Variants in EPB41L2 observed in about 807,000 individuals in gnomAD.
EPB41L2 encodes the protein band 4.1-like protein 2.
EPB41L2 carries 43 observed loss-of-function variants against 113.0 expected under a neutral mutation model. That is an observed-to-expected ratio of 0.38 (90% CI 0.30 to 0.49). The LOEUF is 0.49. Among genes scored for constraint, EPB41L2 ranks in the 20% least tolerant of loss-of-function variants. The probability of loss-of-function intolerance (pLI) is 0.95; values close to 1 mark genes in which losing one functional copy is unlikely to be tolerated. For synonymous variants in EPB41L2, 442 were observed against 436.7 expected (o/e 1.01, Z -0.15); for missense variants, 1,147 against 1,223.4 (o/e 0.94, Z 0.93).
chr6:131,058,174 A>G (rs572254416), intron 1 of EPB41L2, among the ~76,000 whole-genome samples: 2 of 149,964 alleles, frequency 1.3e-5, no homozygotes, highest in African/African-American at 4.9e-5. Flanking sequence ...ATAACTGAGA[A>G]TATGAAATTA....
intron 3 of EPB41L2, among the ~76,000 whole-genome samples, chr6:130,949,882 T>G (rs1208955677): frequency 1.3e-5 from 2 of 152,148 alleles, no homozygotes; most frequent in Non-Finnish European, 2.9e-5. Context: ...AGTAAATATA[T>G]TTTCTCTCCT....
chr6:130,935,173 C>G (rs919881513), intron 3 of EPB41L2, among the ~76,000 whole-genome samples: 2 of 152,162 alleles, frequency 1.3e-5, no homozygotes, highest in African/African-American at 2.4e-5. Context: ...CTTAGAAAAA[C>G]ACACACTAGA....
chr6:130,911,069 T>C (rs954956149), intron 4 of EPB41L2, among the ~76,000 whole-genome samples: 5 of 152,184 alleles, frequency 3.3e-5, no homozygotes, highest in African/African-American at 1.2e-4. Context: ...TAAGGACACA[T>C]GCACACGTAT....
intron 1 of EPB41L2, among the ~76,000 whole-genome samples, chr6:131,021,663 G>GA (rs935447143): frequency 2.3e-4 from 34 of 145,352 alleles, no homozygotes; most frequent in East Asian, 6.0e-4. Flanking sequence ...TTCCGTCTGG[G>GA]AAAAAAAAAA....
At chr6:130,904,849 C>T (rs1797258100) in intron 5 of EPB41L2, among the ~76,000 whole-genome samples, 1 of 151,522 alleles carries the variant, frequency 6.6e-6, no homozygotes, top group Non-Finnish European at 1.5e-5. Context: ...ATATAACCTC[C>T]ATGTAATAGT....
chr6:130,854,882 A>G (rs756247801), intron 19 of EPB41L2, among the ~76,000 whole-genome samples: 1 of 152,110 alleles, frequency 6.6e-6, no homozygotes, highest in Non-Finnish European at 1.5e-5. Flanking sequence ...CCTATTTAAA[A>G]CCATTAGGAG....
intron 19 of EPB41L2, among the ~76,000 whole-genome samples, chr6:130,855,399 T>C (rs1380183640): frequency 1.3e-5 from 2 of 152,086 alleles, no homozygotes; most frequent in African/African-American, 4.8e-5. Flanking sequence ...ATCTCAAAGA[T>C]AAAAAGATCA....
In EPB41L2 at chr6:130,895,039, A is replaced by G. The variant is rs1794191287; in HGVS notation, c.1317T>C (p.Arg439=). 1.2e-6 allele frequency: 2 copies of G among 1,613,884 alleles called. No homozygotes were observed. The highest frequency in any genetic ancestry group is 1.6e-4 in the Middle Eastern group (1 of 6,080). The change falls in exon 9 of 20, where the codon CGT becomes CGC. Residue 439 remains arginine (R), a synonymous_variant. Transcript: ENST00000337057. ...LIYKDRLRIN[R]FAWPKILKIS... ...TTTTTAAGATTTTCGGCCAAGCAAAACGATTGATTCGCAGTCTGTCTTTGT... is the reference window on the plus strand; with the variant it reads ...TTTTTAAGATTTTCGGCCAAGCAAAGCGATTGATTCGCAGTCTGTCTTTGT...
chr6:131,016,612 G>C lies in EPB41L2; in HGVS notation c.-15+46543C>G, dbSNP rs541175707. On this transcript the variant is annotated intron_variant, in intron 1 of 19. Coordinates refer to ENST00000337057, the MANE Select transcript of EPB41L2 (RefSeq NM_001431.4). Reference sequence around the variant, plus strand: ...CCAACATAATAACAGAGAGAAACAAGGGGGTCAGAAAATCTGTGTTTTTCA... The same window carrying C: ...CCAACATAATAACAGAGAGAAACAACGGGGTCAGAAAATCTGTGTTTTTCA... 2.6e-5 allele frequency among the ~76,000 whole-genome samples: 4 copies of C among 151,896 alleles called. No homozygotes were observed. The South Asian group carries it at 6.2e-4, about 24-fold the overall frequency.
chr6:130,846,760 C>T (rs1050404336), intron 19 of EPB41L2, among the ~76,000 whole-genome samples: 2 of 152,154 alleles, frequency 1.3e-5, no homozygotes, highest in East Asian at 1.9e-4. Context: ...CTGTATTACT[C>T]TCAAAGGCCT....
chr6:131,056,961 C>T lies in EPB41L2; in HGVS notation c.-15+6194G>A, dbSNP rs570078864. Among the ~76,000 whole-genome samples the T allele has an allele frequency of 9.4e-4, 143 of 151,822 alleles. 1 individual carries two copies. Among genetic ancestry groups the T allele is most frequent in the Non-Finnish European group, 1.9e-3 (129 of 67,994 alleles). On this transcript the variant is annotated intron_variant, in intron 1 of 19. Transcript: ENST00000337057. ...ATATCAGAATTCAGTTTAACCTTGA[C>T]AGTTAGGTAAATGGGGGTCAACTAA...
intron 4 of EPB41L2, among the ~76,000 whole-genome samples, chr6:130,921,016 C>T (rs1159076905): frequency 2.0e-5 from 3 of 152,158 alleles, no homozygotes; most frequent in Non-Finnish European, 4.4e-5. Flanking sequence ...ACCCTGAAAC[C>T]TAGGACTTTT....
intron 1 of EPB41L2, among the ~76,000 whole-genome samples, chr6:131,004,710 G>C (rs1408254021): frequency 6.6e-6 from 1 of 152,068 alleles, no homozygotes; most frequent in Non-Finnish European, 1.5e-5. Flanking sequence ...AAAGGAGATG[G>C]GGTGTGAACT....
At chr6:130,887,250 T>C (rs1426227699) in intron 11 of EPB41L2, among the ~76,000 whole-genome samples, 1 of 152,162 alleles carries the variant, frequency 6.6e-6, no homozygotes, top group Non-Finnish European at 1.5e-5. Context: ...GTCTTAAACA[T>C]CTGAGAAGCT....
intron 1 of EPB41L2, among the ~76,000 whole-genome samples, chr6:131,055,717 T>C (rs1025092521): frequency 6.6e-6 from 1 of 152,220 alleles, no homozygotes; most frequent in Non-Finnish European, 1.5e-5. Context: ...TAAGCCTCAG[T>C]TTCTCATCCG....
chr6:130,916,659 C>T (rs557959236), intron 4 of EPB41L2, among the ~76,000 whole-genome samples: 1 of 152,170 alleles, frequency 6.6e-6, no homozygotes, highest in African/African-American at 2.4e-5. Context: ...CTGTAATGCT[C>T]TCTGCTACAT....
At chr6:131,037,396 T>C (rs1224356818) in intron 1 of EPB41L2, among the ~76,000 whole-genome samples, 2 of 152,036 alleles carry the variant, frequency 1.3e-5, no homozygotes, top group Non-Finnish European at 2.9e-5. Context: ...AAAGCTGACA[T>C]ATGAGCTGTG....
intron 1 of EPB41L2, among the ~76,000 whole-genome samples, chr6:130,973,110 T>A (rs537701001): frequency 3.3e-5 from 5 of 152,016 alleles, no homozygotes; most frequent in African/African-American, 1.2e-4. Context: ...TCAAAAAAAA[T>A]AAAAAATTTT....
At position 130,908,594 on chromosome 6, in the gene EPB41L2, A is replaced by G. The variant is rs9483191; in HGVS notation, c.853+227T>C. Among the ~76,000 whole-genome samples the G allele has an allele frequency of 6.8e-3, 1,035 of 152,326 alleles. 15 individuals are homozygous for G. The highest frequency in any genetic ancestry group is 0.023 in the African/African-American group (969 of 41,564). ...AAAATGTCAGATGTTACTTGGTAGG[A>G]CATTCTGAGTGAATATTTAGGAATG... On this transcript the variant is annotated intron_variant, in intron 5 of 19. Coordinates refer to ENST00000337057, the MANE Select transcript of EPB41L2 (RefSeq NM_001431.4).
Sources: gnomAD v4.1 joint callset for allele counts (sites outside exome capture counted in the v4.1 genomes callset) on GRCh38, gnomAD v4.1.1 for gene constraint, MANE v1.5 for transcripts, NCBI Gene and HGNC (gene_info 2026-07-23, HGNC 2026-07-21) for gene names.